ASTN1: variants seen among roughly 807,000 people sequenced by gnomAD.
ASTN1 encodes the protein astrotactin 1, also known as astrotactin-1.
Under a neutral mutation model 140.7 loss-of-function variants are expected in ASTN1, and 41 were observed. The ratio of observed to expected loss-of-function variants is 0.29; its 90% CI spans 0.23 to 0.38. The LOEUF (loss-of-function observed/expected upper bound fraction) is 0.38. ASTN1 is among the 10% of genes least tolerant of loss of function. The pLI, the probability that ASTN1 is intolerant of heterozygous loss-of-function variation, is 1.00. For synonymous variants in ASTN1, 640 were observed against 652.2 expected (o/e 0.98, Z 0.29); for missense variants, 1,479 against 1,678.8 (o/e 0.88, Z 2.08).
At chr1:176,985,544 G>T (rs1005929418) in intron 8 of ASTN1, among the ~76,000 whole-genome samples, 1 of 152,060 alleles carries the variant, frequency 6.6e-6, no homozygotes, top group Admixed American at 6.6e-5. Flanking sequence ...TGAATGGCAG[G>T]GTTCTGCTTT....
intron 17 of ASTN1, among the ~76,000 whole-genome samples, chr1:176,892,802 G>A (rs1027620565): frequency 2.6e-5 from 4 of 152,080 alleles, no homozygotes; most frequent in Admixed American, 6.6e-5. Flanking sequence ...TTCTTCACTC[G>A]TCATCTCCAT....
intron 1 of ASTN1, among the ~76,000 whole-genome samples, chr1:177,148,499 A>G (rs1682820290): frequency 6.6e-6 from 1 of 151,934 alleles, no homozygotes; most frequent in South Asian, 2.1e-4. Context: ...TCAGTCATAG[A>G]GTCTTTTTAT....
At chr1:176,948,022 C>G (rs1041786034) in intron 12 of ASTN1, among the ~76,000 whole-genome samples, 1 of 152,046 alleles carries the variant, frequency 6.6e-6, no homozygotes, top group Non-Finnish European at 1.5e-5. Context: ...TGAGAGTTTA[C>G]AAGAAACTGA....
At chr1:176,857,484 G>A (rs181757250), downstream of ASTN1, 1 of 418,182 alleles carries the variant, frequency 2.4e-6, no homozygotes, top group Non-Finnish European at 4.3e-6. Context: ...TCAGGGCGCA[G>A]CTCCTGCTTT....
chr1:177,161,434 G>A (rs1265695154), intron 1 of ASTN1, among the ~76,000 whole-genome samples: 4 of 152,144 alleles, frequency 2.6e-5, no homozygotes, highest in Non-Finnish European at 5.9e-5. Context: ...AATTTTGCAC[G>A]TTTGTGAGTG....
At chr1:176,944,903 T>C (rs1178096629) in intron 13 of ASTN1, among the ~76,000 whole-genome samples, 1 of 152,336 alleles carries the variant, frequency 6.6e-6, no homozygotes, top group African/African-American at 2.4e-5. Context: ...ATGTTAGTAA[T>C]GTCTCCTGTC....
chr1:177,025,793 T>C (rs1256222998), intron 5 of ASTN1, among the ~76,000 whole-genome samples: 4 of 152,220 alleles, frequency 2.6e-5, no homozygotes, highest in Admixed American at 6.5e-5. Flanking sequence ...TTGACGCTCC[T>C]TGTGGCAATT....
At chr1:176,918,325 C>A (rs1670577647) in intron 16 of ASTN1, among the ~76,000 whole-genome samples, 1 of 152,152 alleles carries the variant, frequency 6.6e-6, no homozygotes, top group Admixed American at 6.5e-5. Context: ...CACAGATTTG[C>A]ATCTCCAGCT....
At chr1:177,136,468 T>C (rs1682207925) in intron 1 of ASTN1, among the ~76,000 whole-genome samples, 1 of 151,810 alleles carries the variant, frequency 6.6e-6, no homozygotes, top group Non-Finnish European at 1.5e-5. Flanking sequence ...TTCTCCTGTC[T>C]CAGTCTTCTG....
In ASTN1 at chr1:177,107,482, TC is replaced by T. The variant is rs1416244085; in HGVS notation, c.284-46218del. Reference sequence around the variant, plus strand: ...CCAGGATTGCCACCCACTTTTTTTCTCCTTGCTCTGTGCTGAGGGAGGATGA... The same window carrying T: ...CCAGGATTGCCACCCACTTTTTTTCTCTTGCTCTGTGCTGAGGGAGGATGA... On this transcript the variant is annotated intron_variant, in intron 1 of 22. Coordinates refer to ENST00000361833, the MANE Select transcript of ASTN1 (RefSeq NM_004319.3). 5.9e-5 allele frequency among the ~76,000 whole-genome samples: 9 copies of T among 152,312 alleles called. 1 individual carries two copies. The highest frequency in any genetic ancestry group is 2.2e-4 in the African/African-American group (9 of 41,578).
intron 1 of ASTN1, among the ~76,000 whole-genome samples, chr1:177,117,080 G>C (rs773867981): frequency 2.6e-5 from 4 of 152,070 alleles, no homozygotes; most frequent in Non-Finnish European, 5.9e-5. Context: ...GATTCAGCCA[G>C]TCTAGAAGCA....
chr1:176,970,834 A>T (rs1354374340), intron 8 of ASTN1, among the ~76,000 whole-genome samples: 1 of 151,870 alleles, frequency 6.6e-6, no homozygotes, highest in African/African-American at 2.4e-5. Flanking sequence ...CATTTCATTA[A>T]GGGCTTTAAG....
chr1:177,036,943 C>T (rs188319232), intron 2 of ASTN1, among the ~76,000 whole-genome samples: 3 of 152,202 alleles, frequency 2.0e-5, no homozygotes, highest in Admixed American at 2.0e-4. Context: ...CCTCAACCTC[C>T]CAAGTAGCTG....
chr1:177,092,957 C>T (rs1679830149), intron 1 of ASTN1, among the ~76,000 whole-genome samples: 1 of 152,140 alleles, frequency 6.6e-6, no homozygotes, highest in Non-Finnish European at 1.5e-5. Context: ...GTAGGATAAA[C>T]ATGTCCTTGA....
At chr1:177,092,797 C>A (rs1679822080) in intron 1 of ASTN1, among the ~76,000 whole-genome samples, 1 of 152,044 alleles carries the variant, frequency 6.6e-6, no homozygotes, top group South Asian at 2.1e-4. Context: ...GCACTCTTGC[C>A]AAAAATGAAT....
At chr1:177,149,292 AGT>A (rs1491388580) in intron 1 of ASTN1, among the ~76,000 whole-genome samples, 41 of 88,278 alleles carry the variant, frequency 4.6e-4, no homozygotes, top group African/African-American at 2.1e-3. Context: ...ATATATATAT[AGT>A]ATATATATAG....
intron 8 of ASTN1, among the ~76,000 whole-genome samples, chr1:176,992,670 C>G (rs1674245483): frequency 6.6e-6 from 1 of 152,172 alleles, no homozygotes; most frequent in Non-Finnish European, 1.5e-5. Context: ...CTCTCATTAG[C>G]TATTACTTGG....
At chr1:177,149,638 G>A (rs1244024263) in intron 1 of ASTN1, among the ~76,000 whole-genome samples, 1 of 83,382 alleles carries the variant, frequency 1.2e-5, no homozygotes, top group Non-Finnish European at 1.9e-5. Context: ...TATATATATA[G>A]TAAATATATA....
intron 2 of ASTN1, among the ~76,000 whole-genome samples, chr1:177,044,463 C>T (rs1283487143): frequency 6.6e-6 from 1 of 152,208 alleles, no homozygotes; most frequent in Non-Finnish European, 1.5e-5. Context: ...CCCAGCAGAA[C>T]AGCCAAATGC....
Sources: gnomAD v4.1 joint callset for allele counts (sites outside exome capture counted in the v4.1 genomes callset) on GRCh38, gnomAD v4.1.1 for gene constraint, MANE v1.5 for transcripts, NCBI Gene and HGNC (gene_info 2026-07-23, HGNC 2026-07-21) for gene names.